The following HELZ variants were observed in gnomAD, a reference collection of about 807,000 sequenced individuals.
HELZ encodes ATP-dependent RNA helicase with zinc finger domain.
In HELZ, 23 loss-of-function variants were observed where a neutral mutation model predicts 218.2. The ratio of observed to expected loss-of-function variants is 0.11; its 90% CI spans 0.08 to 0.15. The LOEUF (loss-of-function observed/expected upper bound fraction) is 0.15. Ranked by LOEUF, HELZ falls within the 10% of genes least tolerant of loss-of-function variation. The pLI is 1.00. For synonymous variants in HELZ, 814 were observed against 829.4 expected, an observed-to-expected ratio of 0.98 and a Z score of 0.32; for missense variants, 1,813 against 2,353.7, an observed-to-expected ratio of 0.77 and a Z score of 4.75.
At chr17:67,150,130 CTT>C (rs11408678) in intron 18 of HELZ, 145 bp from the exon 19 acceptor site, 9,408 of 176,082 alleles carry the variant, frequency 0.053, 19 homozygotes, top group African/African-American at 0.11. Flanking sequence ...TATTTTCTTT[CTT>C]TTTTTTTTTT....
chr17:67,226,388 A>T (rs1333572573), intron 3 of HELZ, among the ~76,000 whole-genome samples: 7 of 152,336 alleles, frequency 4.6e-5, no homozygotes, highest in Admixed American at 1.3e-4. Flanking sequence ...GATAACAAAT[A>T]AGCACATAAA....
intron 23 of HELZ, among the ~76,000 whole-genome samples, chr17:67,132,673 A>C (rs2143917072): frequency 6.6e-6 from 1 of 152,376 alleles, no homozygotes; most frequent in African/African-American, 2.4e-5. Context: ...AAAGCTGTCA[A>C]TAAACAGCAG....
chr17:67,150,614 T>C (rs905246471), intron 18 of HELZ, among the ~76,000 whole-genome samples: 5 of 152,158 alleles, frequency 3.3e-5, no homozygotes, highest in Admixed American at 3.3e-4. Flanking sequence ...CAGTATATAA[T>C]GCAAAAGCAT....
intron 31 of HELZ, among the ~76,000 whole-genome samples, chr17:67,099,953 A>G (rs1395020436): frequency 1.3e-5 from 2 of 152,204 alleles, no homozygotes; most frequent in African/African-American, 4.8e-5. Flanking sequence ...TAATTTGCTG[A>G]TCACTGTTAC....
At chr17:67,117,669 C>T (rs1487238048) in intron 27 of HELZ, among the ~76,000 whole-genome samples, 3 of 151,738 alleles carry the variant, frequency 2.0e-5, no homozygotes, top group African/African-American at 7.3e-5. Context: ...CCTGCCTCAG[C>T]CTCTCAAGTA....
At chr17:67,121,519 C>T (rs923955765) in intron 26 of HELZ, among the ~76,000 whole-genome samples, 1 of 152,152 alleles carries the variant, frequency 6.6e-6, no homozygotes, top group Non-Finnish European at 1.5e-5. Flanking sequence ...TGTGAACTAT[C>T]CTGACCAACG....
intron 32 of HELZ, among the ~76,000 whole-genome samples, 192 bp downstream of exon 32, chr17:67,086,637 T>TATATATATAA (rs2036394849): frequency 1.4e-5 from 1 of 72,216 alleles, no homozygotes; most frequent in Non-Finnish European, 2.6e-5. Flanking sequence ...TATAAATATA[T>TATATATATAA]ATATATATAT....
intron 31 of HELZ, among the ~76,000 whole-genome samples, chr17:67,094,612 CATTGT>C (rs2036685967): frequency 1.3e-5 from 2 of 152,094 alleles, no homozygotes; most frequent in African/African-American, 4.8e-5. Flanking sequence ...TGTGCAATAG[CATTGT>C]ATGTTTAAAA....
intron 24 of HELZ, among the ~76,000 whole-genome samples, chr17:67,127,656 T>C (rs1445828689): frequency 6.6e-6 from 1 of 152,180 alleles, no homozygotes; most frequent in Non-Finnish European, 1.5e-5. Context: ...GAGACCAGCC[T>C]GGGCAACATG....
intron 3 of HELZ, among the ~76,000 whole-genome samples, chr17:67,229,883 G>C (rs1443100089): frequency 6.6e-6 from 1 of 152,190 alleles, no homozygotes; most frequent in African/African-American, 2.4e-5. Flanking sequence ...CATTAGAAGA[G>C]AGACTAAGCC....
intron 32 of HELZ, among the ~76,000 whole-genome samples, chr17:67,079,877 T>C (rs949074761): frequency 6.6e-6 from 1 of 152,244 alleles, no homozygotes; most frequent in Non-Finnish European, 1.5e-5. Context: ...ACTATTCTAT[T>C]GTTTTTTCCT....
At chr17:67,223,375 A>G (rs1567906414) in intron 3 of HELZ, among the ~76,000 whole-genome samples, 3 of 152,192 alleles carry the variant, frequency 2.0e-5, no homozygotes, top group Admixed American at 6.5e-5. Flanking sequence ...CATTAAGCAC[A>G]CCAATGTAGG....
In HELZ at chr17:67,161,081, G is replaced by C; in HGVS notation, c.1896-5C>G. Reference sequence around the variant, plus strand: ...TCCAACTGTTCATCCCATTGTCTATGGAAAATAAAAATTTATGTTAAACAC... The same window carrying C: ...TCCAACTGTTCATCCCATTGTCTATCGAAAATAAAAATTTATGTTAAACAC... On this transcript the variant is annotated splice_region_variant and splice_polypyrimidine_tract_variant and intron_variant, in intron 15 of 32. Coordinates refer to ENST00000358691, the MANE Select transcript of HELZ (RefSeq NM_014877.4). 1 of 1,581,744 alleles carries C rather than the reference G, an allele frequency of 6.3e-7. No homozygotes were observed. Among genetic ancestry groups the C allele is most frequent in the Non-Finnish European group, 8.6e-7 (1 of 1,164,140 alleles).
intron 3 of HELZ, among the ~76,000 whole-genome samples, chr17:67,238,378 A>G (rs1325150034): frequency 1.3e-5 from 2 of 151,450 alleles, no homozygotes; most frequent in African/African-American, 4.8e-5. Flanking sequence ...AAAGGAAGAA[A>G]ATTAATTTAA....
Position 67,144,212 on chromosome 17 carries a change from T to C in HELZ, c.2769+1531A>G, listed in dbSNP as rs117237040. Among the ~76,000 whole-genome samples, 1,107 of 152,232 alleles carry C rather than the reference T, an allele frequency of 7.3e-3. 32 individuals are homozygous for C. The highest frequency in any genetic ancestry group is 0.051 in the Admixed American group (785 of 15,280). Reference sequence around the variant, plus strand: ...CTATATTAGTATCCAAATATGCCTATACTGGTATTCAAAAATTCAAAACGC... The same window carrying C: ...CTATATTAGTATCCAAATATGCCTACACTGGTATTCAAAAATTCAAAACGC... On this transcript the variant is annotated intron_variant, in intron 21 of 32. Coordinates refer to ENST00000358691, the MANE Select transcript of HELZ (RefSeq NM_014877.4).
At chr17:67,200,955 C>T (rs1243128975) in intron 7 of HELZ, 174 bp downstream of exon 7, 3 of 611,894 alleles carry the variant, frequency 4.9e-6, no homozygotes, top group Non-Finnish European at 9.0e-6. Context: ...AGCATTCCCA[C>T]GATGGGACTG....
chr17:67,237,950 T>G (rs1209554753), intron 3 of HELZ, among the ~76,000 whole-genome samples: 2 of 146,222 alleles, frequency 1.4e-5, no homozygotes, highest in African/African-American at 5.1e-5. Flanking sequence ...ATCGCCCCAT[T>G]GCACTCCAGC....
chr17:67,133,457 G>A (rs923773246), intron 23 of HELZ, among the ~76,000 whole-genome samples: 1 of 152,166 alleles, frequency 6.6e-6, no homozygotes, highest in Non-Finnish European at 1.5e-5. Flanking sequence ...AAAATATTCA[G>A]GTTGGTAAAT....
chr17:67,180,745 G>A (rs1269620198), intron 12 of HELZ, among the ~76,000 whole-genome samples: 2 of 152,090 alleles, frequency 1.3e-5, no homozygotes, highest in Non-Finnish European at 2.9e-5. Context: ...GGGCGTGGTG[G>A]CGGGTGCCTG....
Sources: allele counts gnomAD v4.1 joint callset (sites outside exome capture counted in the v4.1 genomes callset), GRCh38; gene constraint gnomAD v4.1.1; transcripts MANE v1.5; gene names NCBI Gene and HGNC (gene_info 2026-07-23, HGNC 2026-07-21).